CNBD1: variants seen among roughly 807,000 people sequenced by gnomAD.
CNBD1 encodes cyclic nucleotide binding domain containing 1.
Under a neutral mutation model 54.4 loss-of-function variants are expected in CNBD1, and 71 were observed. The observed-to-expected ratio is 1.30, with a 90% CI of 1.08 to 1.59. The LOEUF (loss-of-function observed/expected upper bound fraction) is 1.59. Among genes scored for constraint, CNBD1 ranks in the 40% most tolerant of loss-of-function variants. The pLI is 0.00. For synonymous variants in CNBD1, 182 were observed against 170.7 expected, an observed-to-expected ratio of 1.07 and a Z score of -0.51; for missense variants, 659 against 518.0, an observed-to-expected ratio of 1.27 and a Z score of -2.64.
At chr8:87,280,897 A>G (rs1206293447) in intron 6 of CNBD1, among the ~76,000 whole-genome samples, 1 of 151,518 alleles carries the variant, frequency 6.6e-6, no homozygotes, top group African/African-American at 2.4e-5. Flanking sequence ...AAGTATGAGA[A>G]ACTGTTCCAT....
In CNBD1 at chr8:87,330,925, G is replaced by A. The variant is rs558511078; in HGVS notation, c.1043-20760G>A. On this transcript the variant is annotated intron_variant, in intron 8 of 10. Coordinates refer to ENST00000518476, the MANE Select transcript of CNBD1 (RefSeq NM_173538.3). The stretch of plus-strand genomic sequence containing the variant: ...TTTCTCATAGCCAACATATAGTTGG[G>A]TCTTGATTCTTTGATTCACTCTGAC... 1.2e-4 allele frequency among the ~76,000 whole-genome samples: 19 copies of A among 152,114 alleles called. 1 individual carries two copies. In the South Asian group the frequency reaches 3.5e-3, roughly 28 times the overall value.
chr8:87,425,598 C>T (rs1808031567), intron 2 of CNBD1, among the ~76,000 whole-genome samples: 1 of 152,018 alleles, frequency 6.6e-6, no homozygotes, highest in African/African-American at 2.4e-5. Flanking sequence ...TCAGTGTGCC[C>T]CTGCTGGAGG....
intron 6 of CNBD1, among the ~76,000 whole-genome samples, chr8:87,249,339 T>C (rs765447377): frequency 6.6e-6 from 1 of 152,138 alleles, no homozygotes; most frequent in Non-Finnish European, 1.5e-5. Context: ...TAAACATAGA[T>C]GAAGCTTTTC....
intron 6 of CNBD1, among the ~76,000 whole-genome samples, chr8:87,260,938 T>A (rs1808128024): frequency 6.6e-6 from 1 of 152,100 alleles, no homozygotes; most frequent in East Asian, 1.9e-4. Flanking sequence ...TTCATTAACT[T>A]AGTCAATGAT....
intron 4 of CNBD1, among the ~76,000 whole-genome samples, chr8:87,183,349 CTTTTG>C (rs1813396442): frequency 8.3e-6 from 1 of 120,990 alleles, no homozygotes; most frequent in African/African-American, 3.1e-5. Flanking sequence ...GCTTTGTTTT[CTTTTG>C]TTTGTTTGTT....
chr8:87,111,540 T>C (rs1183380965), intron 4 of CNBD1, among the ~76,000 whole-genome samples: 1 of 152,194 alleles, frequency 6.6e-6, no homozygotes, highest in Non-Finnish European at 1.5e-5. Context: ...GGAATTGCAG[T>C]TATTCCTCAA....
At chr8:86,954,486 C>T (rs922937836) in intron 4 of CNBD1, among the ~76,000 whole-genome samples, 1 of 152,174 alleles carries the variant, frequency 6.6e-6, no homozygotes, top group Non-Finnish European at 1.5e-5. Flanking sequence ...TCAATTTTTA[C>T]AAACCTTGCA....
At chr8:87,294,944 C>G (rs1350613849) in intron 8 of CNBD1, among the ~76,000 whole-genome samples, 6 of 151,918 alleles carry the variant, frequency 3.9e-5, no homozygotes, top group Non-Finnish European at 8.8e-5. Flanking sequence ...TCAACATAGA[C>G]TTTTCTGTGA....
intron 4 of CNBD1, among the ~76,000 whole-genome samples, chr8:87,037,221 T>G (rs1809967994): frequency 6.6e-6 from 1 of 152,198 alleles, no homozygotes; most frequent in African/African-American, 2.4e-5. Context: ...TCACAATTCT[T>G]TAAAAGTGCC....
At chr8:87,043,720 A>G (rs1810122334) in intron 4 of CNBD1, among the ~76,000 whole-genome samples, 1 of 152,138 alleles carries the variant, frequency 6.6e-6, no homozygotes, top group African/African-American at 2.4e-5. Context: ...CAGATAACCC[A>G]GTTGTTTGCA....
chr8:87,007,233 AT>A (rs1413826799), intron 4 of CNBD1, among the ~76,000 whole-genome samples: 1 of 151,670 alleles, frequency 6.6e-6, no homozygotes, highest in Non-Finnish European at 1.5e-5. Flanking sequence ...CTTATTACTG[AT>A]TTTCCTAAAT....
chr8:87,244,097 C>A (rs972167511), intron 6 of CNBD1, among the ~76,000 whole-genome samples: 3 of 152,074 alleles, frequency 2.0e-5, no homozygotes, highest in Non-Finnish European at 4.4e-5. Flanking sequence ...GTGTTCAGGG[C>A]ACACCTTGGT....
At chr8:87,013,435 G>A (rs1394099703) in intron 4 of CNBD1, among the ~76,000 whole-genome samples, 1 of 151,962 alleles carries the variant, frequency 6.6e-6, no homozygotes, top group Non-Finnish European at 1.5e-5. Context: ...TATGGTCTTT[G>A]TGCACAGTTT....
At chr8:86,963,504 A>C (rs1807990279) in intron 4 of CNBD1, among the ~76,000 whole-genome samples, 7 of 152,146 alleles carry the variant, frequency 4.6e-5, no homozygotes, top group Admixed American at 4.6e-4. Flanking sequence ...AGCCCTTGCC[A>C]AATTGCAGCT....
chr8:87,301,892 A>T (rs1396560482), intron 8 of CNBD1, among the ~76,000 whole-genome samples: 1 of 152,222 alleles, frequency 6.6e-6, no homozygotes, highest in Non-Finnish European at 1.5e-5. Flanking sequence ...ATCTAGAAGA[A>T]ATGGATAAAT....
chr8:87,329,708 C>A (rs758402806), intron 8 of CNBD1, among the ~76,000 whole-genome samples: 3 of 151,804 alleles, frequency 2.0e-5, no homozygotes, highest in Non-Finnish European at 2.9e-5. Context: ...TTGTTTGTTG[C>A]TAGTATATAG....
chr8:87,393,203 G>A (rs1341198130), intron 2 of CNBD1, among the ~76,000 whole-genome samples: 4 of 151,804 alleles, frequency 2.6e-5, no homozygotes, highest in Admixed American at 6.6e-5. Flanking sequence ...GTTCCAGTGA[G>A]CAGGGAGGCA....
At chr8:87,271,244 T>C (rs1808356999) in intron 6 of CNBD1, among the ~76,000 whole-genome samples, 1 of 151,838 alleles carries the variant, frequency 6.6e-6, no homozygotes, top group South Asian at 2.1e-4. Context: ...ATCTTGTATA[T>C]ATTTTTTTTC....
chr8:87,229,797 T>A (rs1814627214), intron 5 of CNBD1, among the ~76,000 whole-genome samples: 1 of 152,200 alleles, frequency 6.6e-6, no homozygotes, highest in Non-Finnish European at 1.5e-5. Context: ...AAAAAAAACT[T>A]TTATTTTCAA....
Sources: allele counts gnomAD v4.1 joint callset (sites outside exome capture counted in the v4.1 genomes callset), GRCh38; gene constraint gnomAD v4.1.1; transcripts MANE v1.5; gene names NCBI Gene and HGNC (gene_info 2026-07-23, HGNC 2026-07-21).